The following MDGA2 variants were observed in gnomAD, a reference collection of about 807,000 sequenced individuals.
The protein encoded by MDGA2 is MAM domain-containing glycosylphosphatidylinositol anchor protein 2.
In MDGA2, 40 loss-of-function variants were observed where a neutral mutation model predicts 117.8. The observed-to-expected ratio is 0.34, with a 90% confidence interval of 0.26 to 0.44. The LOEUF is 0.44. MDGA2 is among the 20% of genes least tolerant of loss of function. The pLI is 1.00. For synonymous variants in MDGA2, 452 were observed against 439.0 expected (o/e 1.03, Z -0.37); for missense variants, 1,123 against 1,250.6 (o/e 0.90, Z 1.54).
intron 2 of MDGA2, among the ~76,000 whole-genome samples, chr14:47,242,085 G>A (rs1232745788): frequency 6.6e-6 from 1 of 151,802 alleles, no homozygotes; most frequent in Non-Finnish European, 1.5e-5. Flanking sequence ...CCTACTAAGT[G>A]TCTTATCCTA....
intron 14 of MDGA2, among the ~76,000 whole-genome samples, chr14:46,858,058 A>T (rs1881344386): frequency 6.6e-6 from 1 of 151,524 alleles, no homozygotes; most frequent in African/African-American, 2.4e-5. Context: ...AAGTACATAT[A>T]TATAAAAGTA....
intron 2 of MDGA2, among the ~76,000 whole-genome samples, chr14:47,287,252 A>C (rs993732390): frequency 1.3e-5 from 2 of 152,068 alleles, no homozygotes; most frequent in Admixed American, 6.6e-5. Context: ...GCTTTTGGGA[A>C]GAGGTGACAA....
chr14:47,022,144 A>C, intron 8 of MDGA2, among the ~76,000 whole-genome samples: 1 of 152,242 alleles, frequency 6.6e-6, no homozygotes, highest in East Asian at 1.9e-4. Flanking sequence ...GAGTGCAGTG[A>C]CACAATAACG....
chr14:47,540,540 GTATATA>G (rs1555330658), intron 1 of MDGA2, among the ~76,000 whole-genome samples: 1 of 79,218 alleles, frequency 1.3e-5, no homozygotes, highest in Non-Finnish European at 2.8e-5. Context: ...GTGTGTGTGT[GTATATA>G]TATATATGTA....
At chr14:47,447,998 C>T (rs1893160516) in intron 1 of MDGA2, among the ~76,000 whole-genome samples, 1 of 151,992 alleles carries the variant, frequency 6.6e-6, no homozygotes, top group Non-Finnish European at 1.5e-5. Flanking sequence ...TTCAGAGTGA[C>T]AAAGAGCTCC....
chr14:47,319,355 G>A (rs1889908059), intron 1 of MDGA2, among the ~76,000 whole-genome samples: 1 of 152,066 alleles, frequency 6.6e-6, no homozygotes, highest in East Asian at 1.9e-4. Context: ...ATTATAATCT[G>A]CAAAATTATA....
intron 1 of MDGA2, among the ~76,000 whole-genome samples, chr14:47,607,434 T>C (rs1432430490): frequency 1.3e-5 from 2 of 152,196 alleles, no homozygotes; most frequent in Non-Finnish European, 2.9e-5. Flanking sequence ...TTTTAGTTGC[T>C]ATATATCAAC....
chr14:47,407,767 A>T (rs1392752344), intron 1 of MDGA2, among the ~76,000 whole-genome samples: 1 of 152,162 alleles, frequency 6.6e-6, no homozygotes, highest in Non-Finnish European at 1.5e-5. Flanking sequence ...TTGTTTATTC[A>T]TTCCTGTATT....
At chr14:47,624,619 GT>G (rs1272941146) in intron 1 of MDGA2, among the ~76,000 whole-genome samples, 9 of 152,064 alleles carry the variant, frequency 5.9e-5, no homozygotes, top group East Asian at 5.8e-4. Context: ...TATCTAATCA[GT>G]TTTTTTTAAG....
chr14:47,086,287 C>T (rs1002860599), intron 6 of MDGA2, among the ~76,000 whole-genome samples: 1 of 151,500 alleles, frequency 6.6e-6, no homozygotes. Flanking sequence ...TCTTTGAAAA[C>T]TAAAATTAAG....
intron 1 of MDGA2, among the ~76,000 whole-genome samples, chr14:47,457,494 T>C (rs1352761288): frequency 6.6e-6 from 1 of 152,148 alleles, no homozygotes; most frequent in Non-Finnish European, 1.5e-5. Context: ...TCTGAAATGG[T>C]ATAAACAATA....
At chr14:47,545,337 C>A in intron 1 of MDGA2, among the ~76,000 whole-genome samples, 1 of 152,150 alleles carries the variant, frequency 6.6e-6, no homozygotes, top group East Asian at 1.9e-4. Context: ...CACACTTTCA[C>A]TAAAGAGGAA....
At chr14:47,050,134 T>G (rs1186121967) in intron 7 of MDGA2, among the ~76,000 whole-genome samples, 1 of 152,066 alleles carries the variant, frequency 6.6e-6, no homozygotes, top group Non-Finnish European at 1.5e-5. Flanking sequence ...ACTGAAAGAC[T>G]GTGTGTTCTG....
At chr14:47,080,683 C>A (rs1237005303) in intron 6 of MDGA2, among the ~76,000 whole-genome samples, 1 of 152,130 alleles carries the variant, frequency 6.6e-6, no homozygotes, top group Non-Finnish European at 1.5e-5. Flanking sequence ...GAATTCCATA[C>A]CACGTCAAAG....
chr14:47,095,151 C>T (rs1879889093), intron 6 of MDGA2, among the ~76,000 whole-genome samples: 1 of 151,990 alleles, frequency 6.6e-6, no homozygotes, highest in Admixed American at 6.6e-5. Flanking sequence ...GTTCATTAAA[C>T]AATTGAAATA....
At chr14:46,980,678 A>G (rs1404920271) in intron 8 of MDGA2, among the ~76,000 whole-genome samples, 1 of 152,126 alleles carries the variant, frequency 6.6e-6, no homozygotes, top group African/African-American at 2.4e-5. Context: ...GCCTTCAGTA[A>G]CCACCACCGC....
chr14:46,921,043 A>G (rs1215841583), intron 9 of MDGA2, among the ~76,000 whole-genome samples: 1 of 152,182 alleles, frequency 6.6e-6, no homozygotes, highest in Non-Finnish European at 1.5e-5. Flanking sequence ...TTATAGATCC[A>G]CCTTCCCAAT....
At chr14:47,136,638 A>G (rs1882472560) in intron 4 of MDGA2, among the ~76,000 whole-genome samples, 1 of 152,164 alleles carries the variant, frequency 6.6e-6, no homozygotes, top group Non-Finnish European at 1.5e-5. Flanking sequence ...ATATATTTAT[A>G]TATGTTTTTA....
chr14:46,982,109 C>T (rs1342895352), intron 8 of MDGA2, among the ~76,000 whole-genome samples: 1 of 152,120 alleles, frequency 6.6e-6, no homozygotes, highest in Non-Finnish European at 1.5e-5. Flanking sequence ...TGAGTGATGT[C>T]ACATACAAGT....
Sources: gnomAD v4.1 joint callset for allele counts (sites outside exome capture counted in the v4.1 genomes callset) on GRCh38, gnomAD v4.1.1 for gene constraint, MANE v1.5 for transcripts, NCBI Gene and HGNC (gene_info 2026-07-23, HGNC 2026-07-21) for gene names.